CERS3: variants seen among roughly 807,000 people sequenced by gnomAD.
The protein encoded by CERS3 is LAG1 homolog, ceramide synthase 3.
Under a neutral mutation model 50.3 loss-of-function variants are expected in CERS3, and 33 were observed. The observed-to-expected ratio is 0.66, with a 90% CI of 0.50 to 0.88. The LOEUF (loss-of-function observed/expected upper bound fraction) is 0.88, where lower values mean the gene tolerates loss of function less well. CERS3 is among the 40% of genes least tolerant of loss of function. The probability of loss-of-function intolerance (pLI) is 0.00; values close to 1 mark genes in which losing one functional copy is unlikely to be tolerated. For missense variants in CERS3, 470 were observed against 460.3 expected, an observed-to-expected ratio of 1.02 and a Z score of -0.19; for synonymous variants, 176 against 155.2, an observed-to-expected ratio of 1.13 and a Z score of -0.99.
intron 11 of CERS3, among the ~76,000 whole-genome samples, chr15:100,448,355 GACCGTCTGCTCAGCTAAGA>G (rs1431378236): frequency 3.9e-5 from 6 of 152,186 alleles, no homozygotes; most frequent in Non-Finnish European, 1.5e-5. Flanking sequence ...GGGAAGCCAA[GACCGTCTGCTCAGCTAAGA>G]ACCTGGAGAT....
intron 11 of CERS3, among the ~76,000 whole-genome samples, chr15:100,432,395 T>C (rs2033180385): frequency 6.6e-6 from 1 of 152,128 alleles, no homozygotes; most frequent in African/African-American, 2.4e-5. Context: ...GAAAAACCAC[T>C]CTCAGCACCA....
At chr15:100,541,005 A>C (rs1467832929) in intron 1 of CERS3, among the ~76,000 whole-genome samples, 1 of 152,184 alleles carries the variant, frequency 6.6e-6, no homozygotes, top group East Asian at 1.9e-4. Flanking sequence ...AATCGCAGTG[A>C]ACAAGGCAGA....
chr15:100,440,092 A>C (rs747082592), intron 11 of CERS3, among the ~76,000 whole-genome samples: 1 of 152,212 alleles, frequency 6.6e-6, no homozygotes, highest in African/African-American at 2.4e-5. Flanking sequence ...CCGTTTCTCC[A>C]TGGGGACAGG....
intron 1 of CERS3, among the ~76,000 whole-genome samples, chr15:100,534,745 A>G (rs999821370): frequency 6.6e-6 from 1 of 151,196 alleles, no homozygotes; most frequent in African/African-American, 2.4e-5. Context: ...TGGGGCCCCA[A>G]GATTTATTTT....
At chr15:100,510,589 G>A (rs904075079) in intron 2 of CERS3, among the ~76,000 whole-genome samples, 4 of 152,092 alleles carry the variant, frequency 2.6e-5, no homozygotes, top group African/African-American at 4.8e-5. Context: ...GTGGCTGCCC[G>A]CTCCATGAGG....
chr15:100,422,863 C>T (rs1344161302), intron 11 of CERS3, among the ~76,000 whole-genome samples: 1 of 141,470 alleles, frequency 7.1e-6, no homozygotes, highest in Non-Finnish European at 1.5e-5. Context: ...CATATTCTCA[C>T]TCACAGGTGG....
chr15:100,453,946 C>A (rs997351045), intron 11 of CERS3, among the ~76,000 whole-genome samples: 1 of 152,094 alleles, frequency 6.6e-6, no homozygotes, highest in Non-Finnish European at 1.5e-5. Context: ...AAGACCTCTA[C>A]AAGGAAAACT....
chr15:100,494,210 CATATAT>C lies in CERS3; in HGVS notation c.174-3285_174-3280del, dbSNP rs1170051830. Among the ~76,000 whole-genome samples, 108 of 78,114 alleles carry C rather than the reference CATATAT, an allele frequency of 1.4e-3. 1 individual carries two copies. Among genetic ancestry groups the C allele is most frequent in the African/African-American group, 3.2e-3 (58 of 17,900 alleles). 51.2% of individuals were successfully genotyped at this position (78,114 alleles called of 152,430 possible). On this transcript the variant is annotated intron_variant, in intron 3 of 11. Transcript: ENST00000679737. Reference sequence around the variant, plus strand: ...TTTGCTTAGTCACCTTTTTTCTTTTCATATATATATATATATATATATATATATATA... The same window carrying C: ...TTTGCTTAGTCACCTTTTTTCTTTTCATATATATATATATATATATATATA...
intron 10 of CERS3, among the ~76,000 whole-genome samples, chr15:100,467,813 A>ACG (rs2034810337): frequency 1.1e-5 from 1 of 92,478 alleles, no homozygotes; most frequent in Non-Finnish European, 2.4e-5. Context: ...ATATACGTCT[A>ACG]TATATATGTG....
At chr15:100,430,858 G>A (rs2033095722) in intron 11 of CERS3, among the ~76,000 whole-genome samples, 1 of 152,130 alleles carries the variant, frequency 6.6e-6, no homozygotes, top group Non-Finnish European at 1.5e-5. Flanking sequence ...CCTCAAGGCA[G>A]TTGCATTAAA....
intron 11 of CERS3, among the ~76,000 whole-genome samples, chr15:100,403,998 G>A (rs980394016): frequency 3.3e-5 from 5 of 152,166 alleles, no homozygotes; most frequent in Non-Finnish European, 5.9e-5. Flanking sequence ...CATCACAAGT[G>A]GTCCTTATAA....
In CERS3 at chr15:100,433,010, G is replaced by A. The variant is rs546287180; in HGVS notation, c.999+22883C>T. Reference sequence around the variant, plus strand: ...CCAGGACTTTGGGAGGCTGAGGTGTGTGGATCATGAGGTCAGGAGATCGAG... The same window carrying A: ...CCAGGACTTTGGGAGGCTGAGGTGTATGGATCATGAGGTCAGGAGATCGAG... On this transcript the variant is annotated intron_variant, in intron 11 of 11. Transcript: ENST00000679737. Among the ~76,000 whole-genome samples, 321 of 152,264 alleles carry A rather than the reference G, an allele frequency of 2.1e-3. 1 individual carries two copies. The highest frequency in any genetic ancestry group is 3.7e-3 in the Non-Finnish European group (254 of 68,010).
At chr15:100,412,247 G>A (rs909343179) in intron 11 of CERS3, among the ~76,000 whole-genome samples, 2 of 151,992 alleles carry the variant, frequency 1.3e-5, no homozygotes, top group African/African-American at 4.8e-5. Flanking sequence ...TTTGTGTATG[G>A]TGTTAGGTAA....
At chr15:100,421,294 C>A (rs1431078014) in intron 11 of CERS3, among the ~76,000 whole-genome samples, 2 of 149,156 alleles carry the variant, frequency 1.3e-5, no homozygotes, top group African/African-American at 2.5e-5. Flanking sequence ...CAATAACAGA[C>A]AAACAGAGAG....
intron 1 of CERS3, among the ~76,000 whole-genome samples, chr15:100,527,927 A>C (rs1007986719): frequency 6.6e-6 from 1 of 152,184 alleles, no homozygotes; most frequent in South Asian, 2.1e-4. Flanking sequence ...ATAAATGGAA[A>C]CCCCTTTTAA....
At chr15:100,497,303 T>C (rs996195523) in intron 3 of CERS3, among the ~76,000 whole-genome samples, 1 of 126,140 alleles carries the variant, frequency 7.9e-6, no homozygotes, top group Admixed American at 8.5e-5. Context: ...AGAGCATATA[T>C]GTATGTGTGT....
intron 1 of CERS3, among the ~76,000 whole-genome samples, chr15:100,527,017 G>A (rs2036814943): frequency 6.6e-6 from 1 of 152,142 alleles, no homozygotes; most frequent in Non-Finnish European, 1.5e-5. Context: ...ACTGAGGCCA[G>A]GTGTGGTGGG....
At chr15:100,467,549 G>T (rs1011010275) in intron 10 of CERS3, among the ~76,000 whole-genome samples, 1 of 151,782 alleles carries the variant, frequency 6.6e-6, no homozygotes, top group Non-Finnish European at 1.5e-5. Flanking sequence ...GAAAAAGTTT[G>T]CCCACTGCTG....
intron 5 of CERS3, among the ~76,000 whole-genome samples, chr15:100,481,249 C>T (rs1002995691): frequency 2.6e-5 from 4 of 152,172 alleles, no homozygotes; most frequent in Non-Finnish European, 4.4e-5. Flanking sequence ...GACTCTGCAT[C>T]GAGGAGTGTT....
Sources: gnomAD v4.1 joint callset for allele counts (sites outside exome capture counted in the v4.1 genomes callset) on GRCh38, gnomAD v4.1.1 for gene constraint, MANE v1.5 for transcripts, NCBI Gene and HGNC (gene_info 2026-07-23, HGNC 2026-07-21) for gene names.